VWF: variants seen among roughly 807,000 people sequenced by gnomAD.
The protein encoded by VWF is Factor VIII related antigen.
A neutral mutation model predicts 308.6 loss-of-function variants in VWF; 176 were observed. The observed-to-expected ratio is 0.57, with a 90% confidence interval of 0.50 to 0.65. The LOEUF (loss-of-function observed/expected upper bound fraction) is 0.65, where lower values mean the gene tolerates loss of function less well. Among genes scored for constraint, VWF ranks in the 30% least tolerant of loss-of-function variants. The pLI is 0.00. For missense variants in VWF, 3,146 were observed against 3,648.2 expected, an observed-to-expected ratio of 0.86 and a Z score of 3.55; for synonymous variants, 1,385 against 1,443.4, an observed-to-expected ratio of 0.96 and a Z score of 0.92.
chr12:6,065,218 G>C lies in VWF; in HGVS notation c.1212C>G (p.Phe404Leu). The C allele has an allele frequency of 6.2e-7, 1 of 1,614,214 alleles. No homozygotes were observed. The highest frequency in any genetic ancestry group is 8.5e-7 in the Non-Finnish European group (1 of 1,180,040). Reference sequence around the variant, plus strand: ...GGTACTGGCAGATCCCACTGAAGGTGAAGTATCTGTTGTCAAAGCTCTTGA... The same window carrying C: ...GGTACTGGCAGATCCCACTGAAGGTCAAGTATCTGTTGTCAAAGCTCTTGA... ...SHFKSFDNRY[F>L]TFSGICQYLL... Residue 404 changes from phenylalanine (F) to leucine (L), a missense_variant, in exon 11 of 52, where the codon TTC becomes TTG. Transcript: ENST00000261405.
In VWF at chr12:5,991,940, GA is replaced by G; in HGVS notation, c.6676del (p.Ser2226ProfsTer84). On this transcript the variant is annotated frameshift_variant, in exon 38 of 52. Coordinates refer to ENST00000261405, the MANE Select transcript of VWF (RefSeq NM_000552.5). LOFTEE classifies it high-confidence loss of function. ...CPRHCDGNVSSCGDHPSEGCF... is the reference protein window; with the variant it reads ...CPRHCDGNVSXCGDHPSEGCF... ...GCCTTCGGAGGGATGGTCCCCACAG[GA>G]GCTCACGTTGCCATCACAGTGCCGG... is the stretch of plus-strand genomic sequence containing the variant. 6.2e-7 allele frequency: 1 copy of G among 1,614,214 alleles called. No individual in the cohort carries two copies. The highest frequency in any genetic ancestry group is 8.5e-7 in the Non-Finnish European group (1 of 1,180,036).
At chr12:6,059,532 G>A (rs1016780745) in intron 13 of VWF, among the ~76,000 whole-genome samples, 1 of 152,202 alleles carries the variant, frequency 6.6e-6, no homozygotes, top group Admixed American at 6.5e-5. Flanking sequence ...CAAGATGAAG[G>A]CATCAGCAGA....
At chr12:5,955,807 T>G (rs1943243190) in intron 47 of VWF, among the ~76,000 whole-genome samples, 1 of 152,130 alleles carries the variant, frequency 6.6e-6, no homozygotes, top group African/African-American at 2.4e-5. Flanking sequence ...ATCTTAGAAC[T>G]AGAAAACACA....
At chr12:6,106,522 T>G (rs1268859787) in intron 5 of VWF, among the ~76,000 whole-genome samples, 1 of 152,190 alleles carries the variant, frequency 6.6e-6, no homozygotes, top group African/African-American at 2.4e-5. Context: ...TGGTGATGGT[T>G]GTACAACTAC....
intron 3 of VWF, among the ~76,000 whole-genome samples, chr12:6,118,012 C>T (rs898905925): frequency 6.6e-6 from 1 of 152,126 alleles, no homozygotes; most frequent in Non-Finnish European, 1.5e-5. Flanking sequence ...AGTTGATGAG[C>T]CCAGTGCTGG....
In VWF at chr12:6,057,483, A is replaced by T. The variant is rs763107637; in HGVS notation, c.1729+366T>A. Among the ~76,000 whole-genome samples the T allele has an allele frequency of 2.6e-4, 17 of 66,200 alleles. No homozygotes were observed. The South Asian group carries it at 3.0e-3, about 12-fold the overall frequency. 43.4% of individuals were successfully genotyped at this position (66,200 alleles called of 152,430 possible). The stretch of plus-strand genomic sequence containing the variant: ...GCGCCCCACCACGCCCGGCAAATTT[A>T]TTATTATTATTATTATTATTATTAT... On this transcript the variant is annotated intron_variant, in intron 14 of 51. Transcript: ENST00000261405.
intron 20 of VWF, among the ~76,000 whole-genome samples, chr12:6,032,709 C>A (rs148433713): frequency 2.6e-4 from 40 of 151,960 alleles, no homozygotes; most frequent in African/African-American, 9.4e-4. Context: ...ACTGAGCAAA[C>A]CACTTACCTT....
rs1565853817 is a variant in VWF at position 6,075,337 on chromosome 12, CA to C, written c.871del (p.Cys291AlafsTer166). 6.2e-7 allele frequency: 1 copy of C among 1,614,000 alleles called. No individual in the cohort carries two copies. Among genetic ancestry groups the C allele is most frequent in the South Asian group, 1.1e-5 (1 of 91,084 alleles). On this transcript the variant is annotated frameshift_variant, in exon 7 of 52. Transcript: ENST00000261405. LOFTEE classifies it high-confidence loss of function. This position sits in a 1 kb window ranked among gnomAD's most constrained non-coding sequence, Gnocchi z 4.7. ...GACGGGGCAGGGGGCCGACTTACTG[CA>C]CGCGCTGTGGTCGGTCCAGCCGTAC... Reference protein sequence around the residue: ...VLYGWTDHSACSPVCPAGMEY... With the variant: ...VLYGWTDHSAXSPVCPAGMEY...
Position 6,019,245 on chromosome 12 carries a change from T to C in VWF, c.4173A>G (p.Gln1391=), listed in dbSNP as rs145009516. The change falls in exon 28 of 52, where the codon CAA becomes CAG. Residue 1391 remains glutamine, a synonymous_variant. Coordinates refer to ENST00000261405, the MANE Select transcript of VWF (RefSeq NM_000552.5). This position sits in a 1 kb window ranked among gnomAD's most constrained non-coding sequence, Gnocchi z 5.8. The stretch of plus-strand genomic sequence containing the variant: ...AGCGGACAAAGTTCCGGGACATCCG[T>C]TGGGGCTCCTGGCTGGCCATCAGGA... ...TLLLMASQEP[Q]RMSRNFVRYV... The C allele has an allele frequency of 3.9e-4, 628 of 1,613,808 alleles. No individual in the cohort carries two copies. The highest frequency in any genetic ancestry group is 4.7e-4 in the Non-Finnish European group (559 of 1,179,820).
intron 18 of VWF, among the ~76,000 whole-genome samples, chr12:6,037,755 G>A (rs181758552): frequency 6.6e-6 from 1 of 152,314 alleles, no homozygotes; most frequent in African/African-American, 2.4e-5. Flanking sequence ...GGTCTGAACA[G>A]TTCCAGCTCC....
At chr12:6,089,958 T>G (rs1945012617) in intron 6 of VWF, among the ~76,000 whole-genome samples, 1 of 147,326 alleles carries the variant, frequency 6.8e-6, no homozygotes, top group Non-Finnish European at 1.5e-5. Context: ...CTGTCCTCTT[T>G]TTTCTTTTTT....
intron 18 of VWF, among the ~76,000 whole-genome samples, chr12:6,041,436 ATT>A (rs199913624): frequency 6.7e-6 from 1 of 149,944 alleles, no homozygotes; most frequent in Non-Finnish European, 1.5e-5. Context: ...TCTCAAAAAA[ATT>A]TTTAAAAAAA....
At position 5,949,047 on chromosome 12, in the gene VWF, A is replaced by C; in HGVS notation, c.8410T>G (p.Cys2804Gly). The C allele has an allele frequency of 6.2e-7, 1 of 1,613,830 alleles. No homozygotes were observed. Among genetic ancestry groups the C allele is most frequent in the Non-Finnish European group, 8.5e-7 (1 of 1,179,900 alleles). ...CTGCACTTCCTGGGGGAGCATTTGC[A>C]CTCCATGGCATTGAGAACCTCATGG... ...VYHEVLNAME[C>G]KCSPRKCSK The change falls in exon 52 of 52, where the codon TGC (cysteine) becomes GGC (glycine). Residue 2804 changes from cysteine (C) to glycine (G), a missense_variant. Around this residue, in one of 3 missense-constraint regions of VWF, gnomAD observed 989 missense variants for 1,117.4 expected, o/e 0.89. Transcript: ENST00000261405.
rs373898451 is a variant in VWF at position 6,018,661 on chromosome 12, G to A, written c.4757C>T (p.Ser1586Phe). The change falls in exon 28 of 52, where the codon TCT becomes TTT. Residue 1586 changes from serine to phenylalanine, a missense_variant. By Grantham distance (155) the Ser-to-Phe change is radical. Transcript: ENST00000261405. ...CTGGCTGACCAAGAAGCTGTGGTCA[G>A]AGAGGTACCGCAGGGCCAGCCCAGT... ...TNTGLALRYL[S>F]DHSFLVSQGD... 2.5e-6 allele frequency: 4 copies of A among 1,613,862 alleles called. No individual in the cohort carries two copies. The highest frequency in any genetic ancestry group is 3.4e-6 in the Non-Finnish European group (4 of 1,179,920).
intron 6 of VWF, among the ~76,000 whole-genome samples, chr12:6,076,669 G>A (rs549866019): frequency 6.6e-6 from 1 of 152,014 alleles, no homozygotes; most frequent in East Asian, 2.0e-4. Context: ...GTCCTGAAGG[G>A]TAAACTGGAG....
chr12:6,116,453 C>T (rs1945367759), intron 3 of VWF, among the ~76,000 whole-genome samples: 1 of 152,200 alleles, frequency 6.6e-6, no homozygotes, highest in Non-Finnish European at 1.5e-5. Flanking sequence ...CTTCTATGCC[C>T]GTGATTCTGG....
intron 47 of VWF, among the ~76,000 whole-genome samples, chr12:5,965,745 C>A (rs2136352488): frequency 1.3e-5 from 2 of 152,238 alleles, no homozygotes; most frequent in South Asian, 4.2e-4. Flanking sequence ...AGGAGGTGTC[C>A]CAGAGACCCT....
chr12:5,964,300 A>ATACATACATGCATACATACATACAT (rs1267334614), intron 47 of VWF, among the ~76,000 whole-genome samples: 8 of 152,086 alleles, frequency 5.3e-5, no homozygotes, highest in Non-Finnish European at 7.4e-5. Context: ...ACATACATAC[A>ATACATACATGCATACATACATACAT]AAAAGCTACC....
intron 5 of VWF, among the ~76,000 whole-genome samples, chr12:6,102,780 G>T (rs1045241878): frequency 6.6e-6 from 1 of 151,798 alleles, no homozygotes; most frequent in Non-Finnish European, 1.5e-5. Context: ...TAATGGATCA[G>T]AATTCATATT....
Sources: gnomAD v4.1 joint callset for allele counts (sites outside exome capture counted in the v4.1 genomes callset) on GRCh38, gnomAD v4.1.1 for gene constraint, gnomAD v4.1.1 regional missense constraint, Gnocchi (gnomAD v3.1) non-coding constraint, MANE v1.5 for transcripts, NCBI Gene and HGNC (gene_info 2026-07-23, HGNC 2026-07-21) for gene names.